Variants in SGCZ observed in about 807,000 individuals in gnomAD.
SGCZ encodes the protein zeta-sarcoglycan.
Under a neutral mutation model 41.3 loss-of-function variants are expected in SGCZ, and 40 were observed. The observed-to-expected ratio is 0.97, with a 90% CI of 0.75 to 1.26. SGCZ has a LOEUF of 1.26. SGCZ is among the 50% of genes most tolerant of loss of function. SGCZ has a pLI of 0.00. For missense variants in SGCZ, 552 were observed against 369.8 expected, an observed-to-expected ratio of 1.49 and a Z score of -4.04; for synonymous variants, 206 against 137.5, an observed-to-expected ratio of 1.50 and a Z score of -3.49.
intron 1 of SGCZ, among the ~76,000 whole-genome samples, chr8:14,557,067 C>G (rs1054424127): frequency 6.6e-6 from 1 of 151,428 alleles, no homozygotes; most frequent in African/African-American, 2.4e-5. Context: ...AGAAGTATTC[C>G]TTTTTCACTG....
chr8:14,103,399 G>C (rs1299617366), intron 6 of SGCZ, among the ~76,000 whole-genome samples: 1 of 152,206 alleles, frequency 6.6e-6, no homozygotes, highest in Non-Finnish European at 1.5e-5. Context: ...GCACCTGCCT[G>C]TGATCGCCCT....
chr8:14,961,819 T>C (rs1404158147), intron 1 of SGCZ, among the ~76,000 whole-genome samples: 2 of 152,076 alleles, frequency 1.3e-5, no homozygotes, highest in Non-Finnish European at 2.9e-5. Context: ...TAGTACAGGA[T>C]CACTCAACAG....
intron 1 of SGCZ, among the ~76,000 whole-genome samples, chr8:14,661,897 TG>T (rs1437041287): frequency 6.6e-6 from 1 of 151,790 alleles, no homozygotes; most frequent in African/African-American, 2.4e-5. Context: ...CCAGAGACAA[TG>T]GGGTATCTTG....
At chr8:14,460,498 G>A (rs192931704) in intron 2 of SGCZ, among the ~76,000 whole-genome samples, 4 of 152,288 alleles carry the variant, frequency 2.6e-5, no homozygotes, top group East Asian at 3.9e-4. Flanking sequence ...GGGACGATTT[G>A]TGGTGCCCCA....
chr8:15,022,669 A>C (rs954145104), intron 1 of SGCZ, among the ~76,000 whole-genome samples: 2 of 152,128 alleles, frequency 1.3e-5, no homozygotes, highest in African/African-American at 4.8e-5. Context: ...AGAACAACAC[A>C]TAACTCATCT....
chr8:14,837,362 A>G (rs193045357), intron 1 of SGCZ, among the ~76,000 whole-genome samples: 65 of 152,346 alleles, frequency 4.3e-4, no homozygotes, highest in African/African-American at 1.5e-3. Context: ...CTACGAGAAA[A>G]CATTCTTAGT....
chr8:14,687,160 A>T (rs1342624990), intron 1 of SGCZ, among the ~76,000 whole-genome samples: 1 of 137,044 alleles, frequency 7.3e-6, no homozygotes, highest in Non-Finnish European at 1.6e-5. Context: ...ACTCACTTTA[A>T]AGAAAAAAAA....
At chr8:14,529,104 A>G (rs999818465) in intron 2 of SGCZ, among the ~76,000 whole-genome samples, 1 of 152,152 alleles carries the variant, frequency 6.6e-6, no homozygotes, top group African/African-American at 2.4e-5. Flanking sequence ...TTATTTTTAT[A>G]AAGAAATATT....
intron 3 of SGCZ, among the ~76,000 whole-genome samples, chr8:14,320,732 G>A (rs1049714773): frequency 6.6e-6 from 1 of 151,962 alleles, no homozygotes; most frequent in African/African-American, 2.4e-5. Flanking sequence ...TGAATTATCT[G>A]GTAGTAGTTC....
chr8:14,159,451 TTTA>T (rs1563159688), intron 5 of SGCZ, among the ~76,000 whole-genome samples: 2 of 152,226 alleles, frequency 1.3e-5, no homozygotes. Context: ...GATGGCATTC[TTTA>T]TTATTTATAC....
At chr8:14,822,220 C>G (rs62493311) in intron 1 of SGCZ, among the ~76,000 whole-genome samples, 43,848 of 151,590 alleles carry the variant, frequency 0.29, 8,102 homozygotes, top group East Asian at 0.56. Context: ...AAGAAATCAA[C>G]AAAACAATTT....
chr8:14,349,564 C>G (rs1803014583), intron 2 of SGCZ, among the ~76,000 whole-genome samples: 1 of 152,048 alleles, frequency 6.6e-6, no homozygotes, highest in Non-Finnish European at 1.5e-5. Flanking sequence ...TCTCCCATCT[C>G]CAACATTGGG....
intron 1 of SGCZ, among the ~76,000 whole-genome samples, chr8:14,940,076 C>T (rs1800219879): frequency 6.6e-6 from 1 of 152,180 alleles, no homozygotes. Flanking sequence ...TTAAGGGCCA[C>T]TCTTAAGTCA....
chr8:14,980,650 G>T (rs549457454), intron 1 of SGCZ, among the ~76,000 whole-genome samples: 80 of 152,224 alleles, frequency 5.3e-4, no homozygotes, highest in African/African-American at 1.9e-3. Flanking sequence ...ATGCAGAAGC[G>T]GAAACCCCTG....
chr8:14,444,473 T>C (rs573083416), intron 2 of SGCZ, among the ~76,000 whole-genome samples: 1 of 152,252 alleles, frequency 6.6e-6, no homozygotes, highest in African/African-American at 2.4e-5. Context: ...CATGGAATAC[T>C]ATGCAGCCAT....
intron 1 of SGCZ, among the ~76,000 whole-genome samples, chr8:15,004,561 C>A (rs888994449): frequency 6.6e-6 from 1 of 152,168 alleles, no homozygotes; most frequent in Non-Finnish European, 1.5e-5. Flanking sequence ...GTTGCAGTGT[C>A]TCATTCTGTT....
intron 1 of SGCZ, among the ~76,000 whole-genome samples, chr8:14,769,402 A>C (rs767815219): frequency 6.6e-6 from 1 of 152,302 alleles, no homozygotes; most frequent in East Asian, 1.9e-4. Context: ...AACTTTTTTT[A>C]AAAAAGTTCA....
At chr8:14,362,474 G>A (rs1803559701) in intron 2 of SGCZ, among the ~76,000 whole-genome samples, 1 of 152,186 alleles carries the variant, frequency 6.6e-6, no homozygotes, top group African/African-American at 2.4e-5. Context: ...CAGCCAGCAA[G>A]GCTCCATGGG....
In SGCZ at chr8:14,591,318, C is replaced by G. The variant is rs577629080; in HGVS notation, c.40-36392G>C. ...TAAATATTATGTTTTACTGAAATTC[C>G]TAACTTTAATAATCCAGGCCCCTTT... On this transcript the variant is annotated intron_variant, in intron 1 of 7. Coordinates refer to ENST00000382080, the MANE Select transcript of SGCZ (RefSeq NM_139167.4). Among the ~76,000 whole-genome samples the G allele has an allele frequency of 3.3e-4, 50 of 151,932 alleles. 1 individual carries two copies. Among genetic ancestry groups the G allele is most frequent in the African/African-American group, 1.2e-3 (48 of 41,480 alleles).
Sources: gnomAD v4.1 joint callset for allele counts (sites outside exome capture counted in the v4.1 genomes callset) on GRCh38, gnomAD v4.1.1 for gene constraint, MANE v1.5 for transcripts, NCBI Gene and HGNC (gene_info 2026-07-23, HGNC 2026-07-21) for gene names.